QTGAL: variants seen among roughly 807,000 people sequenced by gnomAD.
QTGAL encodes queuosine-tRNA galactosyltransferase, also known as BGnT-like protein 1.
the QTGAL span, chr17:83,035,114 A>G: frequency 1.4e-5 from 23 of 1,605,246 alleles, no homozygotes; most frequent in Non-Finnish European, 1.8e-5. Flanking sequence ...GGAAAAAAGA[A>G]GAGCAAAACT....
chr17:82,964,794 C>CA, the QTGAL span, among the ~76,000 whole-genome samples: 1 of 69,912 alleles, frequency 1.4e-5, no homozygotes, highest in African/African-American at 5.8e-5. Flanking sequence ...TGCACCCCCA[C>CA]GGGGGGATGG....
chr17:83,038,649 G>A, the QTGAL span, among the ~76,000 whole-genome samples: 12 of 152,290 alleles, frequency 7.9e-5, no homozygotes, highest in East Asian at 2.3e-3. Context: ...AGGAGGTCAG[G>A]AGATCGAGAC....
the QTGAL span, among the ~76,000 whole-genome samples, chr17:83,036,453 T>C: frequency 0.2 from 30,761 of 152,166 alleles, 3,240 homozygotes; most frequent in Non-Finnish European, 0.24. Flanking sequence ...GTGCAGCTTA[T>C]GAACCTTCAT....
the QTGAL span, among the ~76,000 whole-genome samples, chr17:83,032,458 A>G: frequency 9.9e-3 from 518 of 52,546 alleles, 3 homozygotes; most frequent in Middle Eastern, 0.03. Context: ...CTGAACAACC[A>G]GGTCAGACCA....
chr17:83,048,564 A>G, the QTGAL span: 3 of 1,613,552 alleles, frequency 1.9e-6, no homozygotes, highest in Non-Finnish European at 2.5e-6. Context: ...ATAGCCCCAG[A>G]CTTGTCCTGA....
the QTGAL span, among the ~76,000 whole-genome samples, chr17:82,970,632 C>CCTCCGCACATGGTGTGGCCGT: frequency 6.7e-5 from 2 of 29,830 alleles, no homozygotes; most frequent in African/African-American, 2.5e-4. Flanking sequence ...GGCGTGGCCG[C>CCTCCGCACATGGTGTGGCCGT]GACCTCCGCA....
At chr17:83,008,805 G>C in the QTGAL span, among the ~76,000 whole-genome samples, 10 of 151,808 alleles carry the variant, frequency 6.6e-5, no homozygotes, top group Admixed American at 5.2e-4. Flanking sequence ...TCCCAGCCAG[G>C]ATCCCTGCCG....
chr17:83,047,828 T>C, the QTGAL span, among the ~76,000 whole-genome samples: 2 of 114,380 alleles, frequency 1.7e-5, no homozygotes, highest in Non-Finnish European at 4.0e-5. Flanking sequence ...CTATAATAAA[T>C]CCTACCAAAG....
the QTGAL span, chr17:82,942,190 C>T: frequency 6.0e-3 from 3,303 of 551,254 alleles, 22 homozygotes; most frequent in Non-Finnish European, 6.8e-3. Flanking sequence ...AAATTTCAAA[C>T]GTGTGAATGC....
At chr17:82,973,899 A>G in the QTGAL span, among the ~76,000 whole-genome samples, 1 of 152,128 alleles carries the variant, frequency 6.6e-6, no homozygotes, top group Non-Finnish European at 1.5e-5. Context: ...TCCCGTGTGG[A>G]CAGGAGAGAG....
the QTGAL span, among the ~76,000 whole-genome samples, chr17:82,957,879 A>G: frequency 2.8e-4 from 42 of 152,166 alleles, no homozygotes; most frequent in Non-Finnish European, 5.9e-4. Context: ...CAGCGTTCAC[A>G]CTTGGACACG....
the QTGAL span, among the ~76,000 whole-genome samples, chr17:83,037,264 G>T: frequency 6.6e-6 from 1 of 152,212 alleles, no homozygotes; most frequent in African/African-American, 2.4e-5. This position sits in a 1 kb window ranked among gnomAD's most constrained non-coding sequence, Gnocchi z 5.2. Context: ...CACGGGGGCT[G>T]CCCTGTTCCG....
At chr17:82,956,964 C>T in the QTGAL span, 655 of 940,594 alleles carry the variant, frequency 7.0e-4, 2 homozygotes, top group Non-Finnish European at 9.2e-4. This position sits in a 1 kb window ranked among gnomAD's most constrained non-coding sequence, Gnocchi z 5.7. Context: ...GCCTGACACC[C>T]GACTGCAGAA....
chr17:82,965,353 G>A, the QTGAL span, among the ~76,000 whole-genome samples: 5 of 152,190 alleles, frequency 3.3e-5, no homozygotes, highest in African/African-American at 4.8e-5. Flanking sequence ...CGTGTCCTGC[G>A]CTTTCCCAGA....
the QTGAL span, among the ~76,000 whole-genome samples, chr17:83,036,784 T>C: frequency 6.6e-6 from 1 of 152,066 alleles, no homozygotes; most frequent in Admixed American, 6.5e-5. Flanking sequence ...TGGGGCAGCC[T>C]ATGTTTGGGA....
chr17:83,026,657 G>A, the QTGAL span, among the ~76,000 whole-genome samples: 2 of 145,038 alleles, frequency 1.4e-5, no homozygotes, highest in Admixed American at 6.9e-5. Context: ...ACCCACCCTC[G>A]ACAGACACAC....
chr17:83,023,757 CCCA>C, the QTGAL span, among the ~76,000 whole-genome samples: 3 of 152,164 alleles, frequency 2.0e-5, no homozygotes, highest in Non-Finnish European at 4.4e-5. Context: ...TCCTTCCACC[CCCA>C]CGTCTCCCGA....
At chr17:82,967,228 G>A in the QTGAL span, among the ~76,000 whole-genome samples, 5 of 152,196 alleles carry the variant, frequency 3.3e-5, no homozygotes, top group Admixed American at 1.3e-4. Context: ...TGGAGCCCAC[G>A]ACATTTTCAC....
At chr17:82,953,500 T>G in the QTGAL span, among the ~76,000 whole-genome samples, 1 of 152,104 alleles carries the variant, frequency 6.6e-6, no homozygotes, top group Non-Finnish European at 1.5e-5. Context: ...AATAACAAGT[T>G]CTGAAATTGA....
Sources: allele counts gnomAD v4.1 joint callset (sites outside exome capture counted in the v4.1 genomes callset), GRCh38; gene constraint gnomAD v4.1.1; non-coding constraint Gnocchi (gnomAD v3.1); transcripts MANE v1.5; gene names NCBI Gene and HGNC (gene_info 2026-07-23, HGNC 2026-07-21).